ARFGEF1: variants seen among roughly 807,000 people sequenced by gnomAD.
ARFGEF1 encodes ARF guanine nucleotide exchange factor 1.
Under a neutral mutation model 231.0 loss-of-function variants are expected in ARFGEF1, and 42 were observed. That is an observed-to-expected ratio of 0.18 (90% CI 0.14 to 0.24). The LOEUF (loss-of-function observed/expected upper bound fraction) is 0.24. ARFGEF1 is among the 10% of genes least tolerant of loss of function. The pLI, the probability that ARFGEF1 is intolerant of heterozygous loss-of-function variation, is 1.00. For missense variants in ARFGEF1, 1,345 were observed against 2,192.0 expected (o/e 0.61, Z 7.72); for synonymous variants, 710 against 732.3 (o/e 0.97, Z 0.49).
intron 1 of ARFGEF1, among the ~76,000 whole-genome samples, chr8:67,310,968 G>GGGGGTCAGCCCCCC: frequency 6.2e-5 from 9 of 145,458 alleles, no homozygotes; most frequent in Non-Finnish European, 1.1e-4. Context: ...AGGGAGGTGG[G>GGGGGTCAGCCCCCC]GCCCGGGAGG....
chr8:67,259,797 T>A lies in ARFGEF1; in HGVS notation c.2235+18A>T. 6.6e-7 allele frequency: 1 copy of A among 1,516,330 alleles called. No individual in the cohort carries two copies. Among genetic ancestry groups the A allele is most frequent in the Middle Eastern group, 1.7e-4 (1 of 5,758 alleles). The allele number at this position is 1,516,330 out of a possible 1,614,324, so 93.9% of individuals were successfully genotyped here. A position where few individuals can be genotyped will look rare whatever the true frequency, so the allele number is the denominator to read the frequency against. On this transcript the variant is annotated intron_variant, in intron 15 of 38. Coordinates refer to ENST00000262215, the MANE Select transcript of ARFGEF1 (RefSeq NM_006421.5). ...AAGAATTTTACAGAAAAGGTTAGAA[T>A]GAAAATGGTATTCTTACAGAGTCTA...
chr8:67,222,229 ATG>A (rs1563846579), intron 29 of ARFGEF1, among the ~76,000 whole-genome samples: 1 of 83,094 alleles, frequency 1.2e-5, no homozygotes, highest in Non-Finnish European at 2.3e-5. Flanking sequence ...ATATATGTAT[ATG>A]TATGTATGTA....
intron 7 of ARFGEF1, among the ~76,000 whole-genome samples, chr8:67,279,067 C>A (rs563691560): frequency 1.4e-3 from 220 of 152,188 alleles, no homozygotes; most frequent in African/African-American, 5.0e-3. Context: ...AGCTCAAGAC[C>A]AGCCTGGGCA....
intron 22 of ARFGEF1, among the ~76,000 whole-genome samples, chr8:67,236,028 C>T (rs1392669153): frequency 3.3e-5 from 5 of 151,818 alleles, no homozygotes; most frequent in Admixed American, 3.3e-4. Flanking sequence ...GGCGCAGTAG[C>T]TCACACCTGT....
intron 15 of ARFGEF1, among the ~76,000 whole-genome samples, chr8:67,259,276 G>C (rs533197465): frequency 2.4e-4 from 36 of 152,304 alleles, no homozygotes; most frequent in African/African-American, 8.4e-4. Context: ...GCCCACGCTG[G>C]AGTGCAGTGG....
At position 67,236,391 on chromosome 8, in the gene ARFGEF1, T is replaced by A. The variant is rs1159375740; in HGVS notation, c.3289+1952A>T. 1.4e-3 allele frequency among the ~76,000 whole-genome samples: 130 copies of A among 94,658 alleles called. 7 individuals are homozygous for A. Among genetic ancestry groups the A allele is most frequent in the Admixed American group, 3.2e-3 (26 of 8,200 alleles). 62.1% of individuals were successfully genotyped at this position (94,658 alleles called of 152,430 possible). A position where few individuals can be genotyped will look rare whatever the true frequency, so the allele number is the denominator to read the frequency against. On this transcript the variant is annotated intron_variant, in intron 22 of 38. Coordinates refer to ENST00000262215, the MANE Select transcript of ARFGEF1 (RefSeq NM_006421.5). ...ATATATATATATATATATATATATA[T>A]ATATATATATATATATATATGTATC...
chr8:67,279,201 TC>T (rs1805435622), intron 7 of ARFGEF1, among the ~76,000 whole-genome samples: 1 of 152,164 alleles, frequency 6.6e-6, no homozygotes, highest in Non-Finnish European at 1.5e-5. Flanking sequence ...CCTATCTCAT[TC>T]CCCAGAGTAC....
In ARFGEF1 at chr8:67,205,904, T is replaced by TA. The variant is rs1418167355; in HGVS notation, c.4820-1086dup. Among the ~76,000 whole-genome samples, 4 of 150,818 alleles carry TA rather than the reference T, an allele frequency of 2.7e-5. No homozygotes were observed. In the South Asian group the frequency reaches 8.4e-4, roughly 31 times the overall value. On this transcript the variant is annotated intron_variant, in intron 34 of 38. Coordinates refer to ENST00000262215, the MANE Select transcript of ARFGEF1 (RefSeq NM_006421.5). ...AATAAATAAATAAATAAAATTAAAA[T>TA]AAAAAAATAGGTTATATGAAAACCT...
intron 33 of ARFGEF1, among the ~76,000 whole-genome samples, chr8:67,214,067 T>C (rs560873434): frequency 9.2e-5 from 14 of 152,336 alleles, no homozygotes; most frequent in Non-Finnish European, 1.8e-4. Context: ...AACACCTACA[T>C]TGCCCTGAAG....
intron 1 of ARFGEF1, 62 bp downstream of exon 1, chr8:67,343,102 C>CCCGGGGGG: frequency 1.8e-6 from 1 of 560,606 alleles, no homozygotes; most frequent in Non-Finnish European, 2.7e-6. Flanking sequence ...CACCCCCCCA[C>CCCGGGGGG]AGGCGCCCCC....
At chr8:67,270,631 A>G (rs1805037910) in intron 10 of ARFGEF1, among the ~76,000 whole-genome samples, 1 of 151,902 alleles carries the variant, frequency 6.6e-6, no homozygotes, top group Non-Finnish European at 1.5e-5. Context: ...TGAAAAAAGC[A>G]TTCATTAAAT....
chr8:67,271,032 AAAAAAAAAAAAG>A (rs1321321747), intron 10 of ARFGEF1, among the ~76,000 whole-genome samples: 8 of 144,172 alleles, frequency 5.5e-5, no homozygotes, highest in African/African-American at 1.0e-4. Flanking sequence ...CTCCAAAAAA[AAAAAAAAAAAAG>A]GAAAAAGAAA....
intron 14 of ARFGEF1, among the ~76,000 whole-genome samples, chr8:67,260,636 A>AG (rs1292128438): frequency 6.6e-6 from 1 of 152,074 alleles, no homozygotes; most frequent in Non-Finnish European, 1.5e-5. Context: ...CCCTATTCTG[A>AG]GACAAAAAAA....
intron 5 of ARFGEF1, among the ~76,000 whole-genome samples, chr8:67,180,941 C>G (rs979455300): frequency 6.6e-6 from 1 of 151,788 alleles, no homozygotes; most frequent in Non-Finnish European, 1.5e-5. Flanking sequence ...AGGGAATGAT[C>G]TAGTCTACAT....
chr8:67,258,429 A>C (rs1035370107), intron 15 of ARFGEF1, 139 bp from the exon 16 acceptor site: 122 of 602,848 alleles, frequency 2.0e-4, no homozygotes, highest in Middle Eastern at 1.4e-3. Context: ...GGTTCAAGCG[A>C]TTCTCCTGCC....
intron 27 of ARFGEF1, among the ~76,000 whole-genome samples, chr8:67,226,444 A>G (rs1839374387): frequency 6.6e-6 from 1 of 152,128 alleles, no homozygotes; most frequent in Admixed American, 6.6e-5. Flanking sequence ...TACTGATTCA[A>G]CTTTGGTTGA....
At chr8:67,296,402 T>C (rs1477558925) in intron 5 of ARFGEF1, 29 bp downstream of exon 5, 3 of 1,608,456 alleles carry the variant, frequency 1.9e-6, no homozygotes, top group South Asian at 1.1e-5. Context: ...TTGTGTTCTA[T>C]ACAACCTCTC....
chr8:67,183,843 A>AT (rs918103972), intron 5 of ARFGEF1, among the ~76,000 whole-genome samples: 9,585 of 108,196 alleles, frequency 0.089, 847 homozygotes, highest in Non-Finnish European at 0.1. Context: ...AAAATTGGGA[A>AT]TTTTTTTTTT....
Position 67,296,577 on chromosome 8 carries a change from C to A in ARFGEF1, c.493G>T (p.Glu165Ter). ...TGCAGTACAGTCCCTTCATGAATTT[C>A]TATGTGTTGTGATGTTACTGCAGTA... Reference protein sequence around the residue: ...LLTAVTSQHIEIHEGTVLQAV... With the variant: ...LLTAVTSQHI The change falls in exon 5 of 39, where the codon GAA becomes TAA. Residue 165 changes from glutamate (E) to a stop codon, truncating the protein, a stop_gained. Transcript: ENST00000262215. LOFTEE classifies it high-confidence loss of function. 6.2e-7 allele frequency: 1 copy of A among 1,611,940 alleles called. No homozygotes were observed. The highest frequency in any genetic ancestry group is 8.5e-7 in the Non-Finnish European group (1 of 1,179,116).
Sources: allele counts gnomAD v4.1 joint callset (sites outside exome capture counted in the v4.1 genomes callset), GRCh38; gene constraint gnomAD v4.1.1; transcripts MANE v1.5; gene names NCBI Gene and HGNC (gene_info 2026-07-23, HGNC 2026-07-21).